PHF6: variants seen among roughly 807,000 people sequenced by gnomAD.
The protein encoded by PHF6 is PHD-like zinc finger protein.
In PHF6, 7 loss-of-function variants were observed where a neutral mutation model predicts 34.0. That is an observed-to-expected ratio of 0.21 (90% CI 0.12 to 0.39). The LOEUF (loss-of-function observed/expected upper bound fraction) is 0.39. Ranked by LOEUF, PHF6 falls within the 10% of genes least tolerant of loss-of-function variation. The pLI, the probability that PHF6 is intolerant of heterozygous loss-of-function variation, is 1.00. For synonymous variants in PHF6, 89 were observed against 88.4 expected, an observed-to-expected ratio of 1.01 and a Z score of -0.04; for missense variants, 128 against 262.8, an observed-to-expected ratio of 0.49 and a Z score of 3.55.
chrX:134,415,222 G>A (rs1214483319), intron 8 of PHF6, 102 bp downstream of exon 8: 2 of 1,182,994 alleles, frequency 1.7e-6, no homozygotes, highest in Non-Finnish European at 2.3e-6. Flanking sequence ...ATTTAAAGTA[G>A]TTCGTATGTT....
Position 134,428,029 on chromosome X carries a change from A to G in PHF6, c.*2369A>G. 1 of 156,118 alleles carries G rather than the reference A, an allele frequency of 6.4e-6. No individual in the cohort carries two copies. The highest frequency in any genetic ancestry group is 1.3e-5 in the Non-Finnish European group (1 of 79,184). The allele number at this position is 156,118 out of a possible 1,213,427, so 12.9% of individuals were successfully genotyped here. On this transcript the variant is annotated 3_prime_UTR_variant, in exon 11 of 11. Coordinates refer to ENST00000370803, the MANE Select transcript of PHF6 (RefSeq NM_001015877.2). ...GCATGACATTATTTGATAAGTATATAACATTTACATCATTTCAAAAAATAC... is the reference window on the plus strand; with the variant it reads ...GCATGACATTATTTGATAAGTATATGACATTTACATCATTTCAAAAAATAC...
At chrX:134,399,268 G>A (rs771915099) in intron 5 of PHF6, among the ~76,000 whole-genome samples, 68 of 111,427 alleles carry the variant, frequency 6.1e-4, no homozygotes, top group African/African-American at 2.0e-3. Flanking sequence ...GGTAAAAGCC[G>A]TATTGATATG....
intron 5 of PHF6, among the ~76,000 whole-genome samples, chrX:134,412,349 T>TTA (rs983616725): frequency 3.6e-5 from 4 of 111,863 alleles, no homozygotes; most frequent in African/African-American, 6.5e-5. Flanking sequence ...TTCCCTTAAT[T>TTA]TATATATATA....
In PHF6 at chrX:134,427,283, TTGAA is replaced by T; in HGVS notation, c.*1624_*1627del. 6.0e-6 allele frequency: 1 copy of T among 165,739 alleles called. No individual in the cohort carries two copies. Among genetic ancestry groups the T allele is most frequent in the East Asian group, 8.9e-5 (1 of 11,213 alleles). The allele number at this position is 165,739 out of a possible 1,213,427, so 13.7% of individuals were successfully genotyped here. On this transcript the variant is annotated 3_prime_UTR_variant, in exon 11 of 11. Transcript: ENST00000370803. ...GTATGTGATTTTCAAAATTCATGAC[TTGAA>T]GTGCAAGGACAGATCTAGATGTTTG...
At chrX:134,423,970 G>A (rs1360430531) in intron 9 of PHF6, among the ~76,000 whole-genome samples, 1 of 109,956 alleles carries the variant, frequency 9.1e-6, no homozygotes, top group East Asian at 2.9e-4. Context: ...GTGGGATGGG[G>A]GGACGGGGGA....
Position 134,427,274 on chromosome X carries a change from A to T in PHF6, c.*1614A>T, listed in dbSNP as rs1315684008. 1 of 164,043 alleles carries T rather than the reference A, an allele frequency of 6.1e-6. No individual in the cohort carries two copies. Among genetic ancestry groups the T allele is most frequent in the Non-Finnish European group, 1.2e-5 (1 of 84,955 alleles). The allele number at this position is 164,043 out of a possible 1,213,427, so 13.5% of individuals were successfully genotyped here. The stretch of plus-strand genomic sequence containing the variant: ...TTTTTGTGTGTATGTGATTTTCAAA[A>T]TTCATGACTTGAAGTGCAAGGACAG... On this transcript the variant is annotated 3_prime_UTR_variant, in exon 11 of 11. Transcript: ENST00000370803.
chrX:134,400,143 A>G (rs567170458), intron 5 of PHF6, among the ~76,000 whole-genome samples: 24 of 111,469 alleles, frequency 2.2e-4, no homozygotes, highest in East Asian at 5.6e-4. Flanking sequence ...CAGTGGCTCA[A>G]TCACGGCTTA....
chrX:134,392,343 G>A (rs1015704559), intron 3 of PHF6, among the ~76,000 whole-genome samples: 3 of 111,859 alleles, frequency 2.7e-5, no homozygotes, highest in African/African-American at 9.7e-5. Flanking sequence ...ATCTATTTTG[G>A]CATGTCATGT....
At chrX:134,425,451 G>A in intron 10 of PHF6, 121 bp downstream of exon 10, 1 of 877,029 alleles carries the variant, frequency 1.1e-6, no homozygotes, top group South Asian at 2.3e-5. Flanking sequence ...TTAAGAGCAT[G>A]TTACTAAAAT....
chrX:134,403,339 A>G (rs1020498854), intron 5 of PHF6, among the ~76,000 whole-genome samples: 3 of 112,160 alleles, frequency 2.7e-5, no homozygotes, highest in Middle Eastern at 4.2e-3. Flanking sequence ...TAGAAGATCA[A>G]ACCAGCCACA....
At chrX:134,408,802 T>G (rs944747149) in intron 5 of PHF6, among the ~76,000 whole-genome samples, 2 of 112,177 alleles carry the variant, frequency 1.8e-5, no homozygotes, top group East Asian at 2.8e-4. Flanking sequence ...AACCTCCACC[T>G]CCCAAGTTCA....
rs1453967262 is a variant in PHF6 at position 134,426,785 on chromosome X, G to A, written c.*1125G>A. 6.2e-6 allele frequency: 1 copy of A among 160,288 alleles called. No individual in the cohort carries two copies. Among genetic ancestry groups the A allele is most frequent in the African/African-American group, 3.0e-5 (1 of 32,941 alleles). The allele number at this position is 160,288 out of a possible 1,213,427, so 13.2% of individuals were successfully genotyped here. A position where few individuals can be genotyped will look rare whatever the true frequency, so the allele number is the denominator to read the frequency against. On this transcript the variant is annotated 3_prime_UTR_variant, in exon 11 of 11. Coordinates refer to ENST00000370803, the MANE Select transcript of PHF6 (RefSeq NM_001015877.2). Reference sequence around the variant, plus strand: ...ATTTTCACACTGGCATTTCTAGGTAGTGATATTTTCTTCCACTTACCTGCT... The same window carrying A: ...ATTTTCACACTGGCATTTCTAGGTAATGATATTTTCTTCCACTTACCTGCT...
Position 134,427,621 on chromosome X carries a change from GT to G in PHF6, c.*1964del, listed in dbSNP as rs2077511548. The G allele has an allele frequency of 6.3e-6, 1 of 159,738 alleles. No individual in the cohort carries two copies. The highest frequency in any genetic ancestry group is 3.0e-5 in the African/African-American group (1 of 32,991). The allele number at this position is 159,738 out of a possible 1,213,427, so 13.2% of individuals were successfully genotyped here. On this transcript the variant is annotated 3_prime_UTR_variant, in exon 11 of 11. Transcript: ENST00000370803. ...TAGTAAAATGTATGACTTTGTATGG[GT>G]TTCTTCAGCCCTTTTTCTGCCACTA...
At chrX:134,379,432 C>CTTTTT (rs34099570) in intron 3 of PHF6, among the ~76,000 whole-genome samples, 719 of 26,235 alleles carry the variant, frequency 0.027, 1 homozygote, top group Non-Finnish European at 0.031. Flanking sequence ...CTTTTCTTTT[C>CTTTTT]TTTTTTTTTT....
intron 3 of PHF6, among the ~76,000 whole-genome samples, chrX:134,393,170 A>G (rs1470571805): frequency 1.8e-5 from 2 of 111,753 alleles, no homozygotes; most frequent in Non-Finnish European, 3.8e-5. Context: ...TGTACCTAGG[A>G]AGATCTGGAT....
chrX:134,381,190 C>T (rs780906399), intron 3 of PHF6, among the ~76,000 whole-genome samples: 1 of 110,838 alleles, frequency 9.0e-6, no homozygotes, highest in African/African-American at 3.3e-5. Flanking sequence ...CGTTTCCTTC[C>T]CTTAGAATGT....
At chrX:134,404,420 G>T (rs1306926256) in intron 5 of PHF6, among the ~76,000 whole-genome samples, 1 of 112,086 alleles carries the variant, frequency 8.9e-6, no homozygotes, top group African/African-American at 3.2e-5. Context: ...ATGAGGAGTT[G>T]CTTCTTATGG....
intron 5 of PHF6, among the ~76,000 whole-genome samples, chrX:134,396,519 C>T (rs373775718): frequency 1.9e-4 from 21 of 111,216 alleles, no homozygotes; most frequent in Admixed American, 1.8e-3. Context: ...CTGTAACTGG[C>T]AGCATTATTA....
At chrX:134,412,509 A>C (rs905838575) in intron 5 of PHF6, among the ~76,000 whole-genome samples, 2 of 111,957 alleles carry the variant, frequency 1.8e-5, no homozygotes, top group Non-Finnish European at 3.8e-5. Context: ...TAGAATTATA[A>C]TCAATAACAT....
Sources: allele counts gnomAD v4.1 joint callset (sites outside exome capture counted in the v4.1 genomes callset), GRCh38; gene constraint gnomAD v4.1.1; transcripts MANE v1.5; gene names NCBI Gene and HGNC (gene_info 2026-07-23, HGNC 2026-07-21).